STOX1: variants seen among roughly 807,000 people sequenced by gnomAD.
STOX1 encodes storkhead-box protein 1.
Under a neutral mutation model 74.8 loss-of-function variants are expected in STOX1, and 57 were observed. The ratio of observed to expected loss-of-function variants is 0.76; its 90% confidence interval spans 0.62 to 0.95. The LOEUF (loss-of-function observed/expected upper bound fraction) is 0.95. STOX1 is among the 40% of genes least tolerant of loss of function. The pLI is 0.00. For synonymous variants in STOX1, 375 were observed against 401.3 expected, an observed-to-expected ratio of 0.93 and a Z score of 0.78; for missense variants, 1,010 against 1,117.0, an observed-to-expected ratio of 0.90 and a Z score of 1.37.
At chr10:68,853,697 G>GT (rs987707486) in intron 1 of STOX1, among the ~76,000 whole-genome samples, 1 of 150,048 alleles carries the variant, frequency 6.7e-6, no homozygotes, top group Non-Finnish European at 1.5e-5. Flanking sequence ...TTTGTTTTTT[G>GT]TTTTTTGAGA....
chr10:68,882,209 T>TC, intron 2 of STOX1, 99 bp downstream of exon 2: 1 of 1,188,804 alleles, frequency 8.4e-7, no homozygotes, highest in South Asian at 1.3e-5. Flanking sequence ...TATCCTTTTT[T>TC]CCCCTCTTCT....
At chr10:68,878,436 T>A (rs913919385) in intron 1 of STOX1, among the ~76,000 whole-genome samples, 1 of 152,190 alleles carries the variant, frequency 6.6e-6, no homozygotes, top group Non-Finnish European at 1.5e-5. Flanking sequence ...CAGGACATCA[T>A]CTATCGCCAC....
At chr10:68,857,417 A>G (rs1840154651) in intron 1 of STOX1, among the ~76,000 whole-genome samples, 1 of 152,052 alleles carries the variant, frequency 6.6e-6, no homozygotes, top group Admixed American at 6.5e-5. Flanking sequence ...CTTCTGGAAT[A>G]TACATCTTTC....
chr10:68,842,428 A>G (rs1158223549), intron 1 of STOX1, among the ~76,000 whole-genome samples: 1 of 152,066 alleles, frequency 6.6e-6, no homozygotes, highest in Non-Finnish European at 1.5e-5. Flanking sequence ...AGCTTATTCC[A>G]TGATAATTGA....
At chr10:68,844,612 A>G (rs1203396905) in intron 1 of STOX1, among the ~76,000 whole-genome samples, 1 of 151,956 alleles carries the variant, frequency 6.6e-6, no homozygotes, top group African/African-American at 2.4e-5. Context: ...ATCTTCTTTA[A>G]TAAGTGTCTG....
chr10:68,837,609 G>A (rs1436477784), intron 1 of STOX1, among the ~76,000 whole-genome samples: 5 of 152,216 alleles, frequency 3.3e-5, no homozygotes, highest in African/African-American at 4.8e-5. Context: ...GAATGGTGGC[G>A]CCTTGGAAGG....
At chr10:68,830,271 G>A (rs1839371856) in intron 1 of STOX1, among the ~76,000 whole-genome samples, 1 of 152,134 alleles carries the variant, frequency 6.6e-6, no homozygotes, top group South Asian at 2.1e-4. Flanking sequence ...GTGGACTTCC[G>A]CCGGCTCATC....
chr10:68,841,774 C>G (rs1354127524), intron 1 of STOX1, among the ~76,000 whole-genome samples: 3 of 152,168 alleles, frequency 2.0e-5, no homozygotes, highest in African/African-American at 7.2e-5. Context: ...AATCTGAATG[C>G]TCCAGTCTCA....
intron 1 of STOX1, among the ~76,000 whole-genome samples, chr10:68,864,258 C>T (rs989461013): frequency 6.6e-5 from 10 of 152,072 alleles, no homozygotes; most frequent in East Asian, 1.9e-4. Flanking sequence ...ATAGGCCGTC[C>T]GAAAAACTTT....
At chr10:68,865,720 C>A (rs1282592316) in intron 1 of STOX1, among the ~76,000 whole-genome samples, 1 of 152,108 alleles carries the variant, frequency 6.6e-6, no homozygotes, top group Non-Finnish European at 1.5e-5. Context: ...GCTGTAATGC[C>A]CCCTAGGTTG....
At chr10:68,892,010 A>G (rs1235222360) in intron 3 of STOX1, among the ~76,000 whole-genome samples, 2 of 151,724 alleles carry the variant, frequency 1.3e-5, no homozygotes, top group Non-Finnish European at 2.9e-5. Context: ...TAGTAGAGAC[A>G]GGGTTTCACC....
rs373094820 is a variant in STOX1 at position 68,884,830 on chromosome 10, G to A, written c.1034G>A (p.Arg345Gln). ...AQFPPEEWPV[R>Q]DEDDLDNIPR... ...TTCCCACCTGAAGAATGGCCCGTCC[G>A]AGATGAAGATGACTTGGACAATATC... is the stretch of plus-strand genomic sequence containing the variant. Residue 345 changes from arginine to glutamine, a missense_variant, in exon 3 of 4, where the codon CGA becomes CAA. Physicochemically the swap from Arg to Gln is conservative, Grantham distance 43 (BLOSUM62 1). Transcript: ENST00000298596. 48 of 1,614,162 alleles carry A rather than the reference G, an allele frequency of 3.0e-5. 1 individual carries two copies. In the African/African-American group the frequency reaches 4.5e-4, roughly 15 times the overall value.
intron 1 of STOX1, among the ~76,000 whole-genome samples, chr10:68,829,342 C>A (rs1185286582): frequency 6.6e-6 from 1 of 152,078 alleles, no homozygotes; most frequent in Non-Finnish European, 1.5e-5. Flanking sequence ...ACGGTGAAAC[C>A]CCGCTTCTAC....
chr10:68,888,156 A>G (rs1321421647), intron 3 of STOX1, among the ~76,000 whole-genome samples: 1 of 151,990 alleles, frequency 6.6e-6, no homozygotes, highest in Non-Finnish European at 1.5e-5. Context: ...GCTGGAGTAC[A>G]ATGGTGTGGT....
chr10:68,866,945 G>GTT (rs71474450), intron 1 of STOX1, among the ~76,000 whole-genome samples: 22 of 124,980 alleles, frequency 1.8e-4, no homozygotes, highest in Admixed American at 2.5e-4. Flanking sequence ...TGCTTTCCTT[G>GTT]TTTTTTTTTT....
intron 1 of STOX1, among the ~76,000 whole-genome samples, chr10:68,850,341 T>G (rs1049827840): frequency 6.6e-6 from 1 of 152,180 alleles, no homozygotes; most frequent in African/African-American, 2.4e-5. Flanking sequence ...CTTATTTCTC[T>G]AGCCCTGCAG....
At chr10:68,845,258 C>T (rs1219319426) in intron 1 of STOX1, among the ~76,000 whole-genome samples, 1 of 150,246 alleles carries the variant, frequency 6.7e-6, no homozygotes, top group Non-Finnish European at 1.5e-5. Flanking sequence ...TTGCGCACCA[C>T]AACAGCTGGC....
intron 1 of STOX1, among the ~76,000 whole-genome samples, chr10:68,852,520 A>C (rs933876612): frequency 6.6e-6 from 1 of 151,440 alleles, no homozygotes; most frequent in South Asian, 2.1e-4. Flanking sequence ...GGCCTCCCAA[A>C]GTGCTGGGAT....
rs371468223 is a variant in STOX1 at position 68,836,258 on chromosome 10, G to A, written c.310+8325G>A. Among the ~76,000 whole-genome samples the A allele has an allele frequency of 1.1e-3, 175 of 152,316 alleles. 1 individual carries two copies. Among genetic ancestry groups the A allele is most frequent in the African/African-American group, 4.1e-3 (172 of 41,564 alleles). On this transcript the variant is annotated intron_variant, in intron 1 of 3. Coordinates refer to ENST00000298596, the MANE Select transcript of STOX1 (RefSeq NM_152709.5). ...TCTCTCAGCTCCATTGTCTACATGGGTACAAATGAGGACACAGTAGCCCCT... is the reference window on the plus strand; with the variant it reads ...TCTCTCAGCTCCATTGTCTACATGGATACAAATGAGGACACAGTAGCCCCT...
Sources: allele counts gnomAD v4.1 joint callset (sites outside exome capture counted in the v4.1 genomes callset), GRCh38; gene constraint gnomAD v4.1.1; transcripts MANE v1.5; gene names NCBI Gene and HGNC (gene_info 2026-07-23, HGNC 2026-07-21).